MEGF11: variants seen among roughly 807,000 people sequenced by gnomAD.
MEGF11 encodes the protein multiple EGF like domains 11.
MEGF11 carries 126 observed loss-of-function variants against 146.6 expected under a neutral mutation model. The ratio of observed to expected loss-of-function variants is 0.86; its 90% CI spans 0.74 to 1.00. MEGF11 has a LOEUF of 1.00. Among genes scored for constraint, MEGF11 ranks in the 50% least tolerant of loss-of-function variants. MEGF11 has a pLI of 0.00. For synonymous variants in MEGF11, 532 were observed against 583.4 expected, an observed-to-expected ratio of 0.91 and a Z score of 1.27; for missense variants, 1,509 against 1,521.2, an observed-to-expected ratio of 0.99 and a Z score of 0.13.
At chr15:66,059,732 C>T (rs565078126) in intron 5 of MEGF11, among the ~76,000 whole-genome samples, 2 of 152,240 alleles carry the variant, frequency 1.3e-5, no homozygotes, top group South Asian at 2.1e-4. Flanking sequence ...AGAAGAGGAC[C>T]AGAACGTCCC....
At chr15:66,122,948 T>C (rs1597105319) in intron 3 of MEGF11, among the ~76,000 whole-genome samples, 1 of 152,012 alleles carries the variant, frequency 6.6e-6, no homozygotes, top group East Asian at 1.9e-4. Context: ...CACGCCCGGC[T>C]AATTTTTTGT....
intron 12 of MEGF11, among the ~76,000 whole-genome samples, chr15:65,929,254 G>C (rs1261114749): frequency 6.6e-6 from 1 of 152,196 alleles, no homozygotes; most frequent in Non-Finnish European, 1.5e-5. Flanking sequence ...AAGTGATTAA[G>C]TCTGGGTGGT....
chr15:66,009,884 G>A lies in MEGF11; in HGVS notation c.395-27396C>T, dbSNP rs1029874379. Among the ~76,000 whole-genome samples, 11 of 152,060 alleles carry A rather than the reference G, an allele frequency of 7.2e-5. 1 individual carries two copies. Among genetic ancestry groups the A allele is most frequent in the East Asian group, 1.9e-4 (1 of 5,180 alleles). ...GCTGGGATTACAGGCGTGAGCCACC[G>A]TGCCCGGCCCACATATGGTTTCTAA... On this transcript the variant is annotated intron_variant, in intron 5 of 25. Transcript: ENST00000395614.
intron 5 of MEGF11, among the ~76,000 whole-genome samples, chr15:66,012,734 G>T (rs1279737902): frequency 6.6e-6 from 1 of 152,148 alleles, no homozygotes; most frequent in Non-Finnish European, 1.5e-5. Context: ...CCTAAACTGG[G>T]CCCTGAAGCA....
chr15:66,217,778 C>A (rs943777223), intron 1 of MEGF11, among the ~76,000 whole-genome samples: 1 of 152,236 alleles, frequency 6.6e-6, no homozygotes, highest in East Asian at 1.9e-4. Context: ...CAGTCCCTGG[C>A]AGAGCTGCTT....
chr15:66,138,927 G>A (rs1311234162), intron 1 of MEGF11, among the ~76,000 whole-genome samples: 1 of 152,196 alleles, frequency 6.6e-6, no homozygotes. Flanking sequence ...GGGGGAATGA[G>A]TATATTAGGG....
At chr15:66,128,553 T>C (rs188984067) in intron 1 of MEGF11, 142 bp from the exon 2 acceptor site, 212 of 449,580 alleles carry the variant, frequency 4.7e-4, no homozygotes, top group African/African-American at 3.7e-3. Flanking sequence ...TCACTGGTTC[T>C]GAGTAACAGG....
rs189131656 is a variant in MEGF11, at chr15:65,906,933, G to A, written c.2999-792C>T. On this transcript the variant is annotated intron_variant, in intron 23 of 25. Transcript: ENST00000395614. ...ATGATGGCCCTGAGCCTCAGCCAGA[G>A]GCTTCAGGGACTAAGCTTGGGTTCT... Among the ~76,000 whole-genome samples, 328 of 152,280 alleles carry A rather than the reference G, an allele frequency of 2.2e-3. 1 individual carries two copies. Among genetic ancestry groups the A allele is most frequent in the Middle Eastern group, 3.4e-3 (1 of 294 alleles).
intron 10 of MEGF11, among the ~76,000 whole-genome samples, chr15:65,952,507 C>T (rs1218301812): frequency 6.6e-6 from 1 of 152,194 alleles, no homozygotes. Context: ...CTCTGCTGGC[C>T]TGACCACTGT....
At chr15:66,056,577 TGAG>T (rs1368251086) in intron 5 of MEGF11, among the ~76,000 whole-genome samples, 1 of 152,070 alleles carries the variant, frequency 6.6e-6, no homozygotes, top group African/African-American at 2.4e-5. Context: ...CTTCGTCTTT[TGAG>T]AAGAAAGGAA....
chr15:66,191,157 C>G (rs777273674), intron 1 of MEGF11, among the ~76,000 whole-genome samples: 3 of 152,160 alleles, frequency 2.0e-5, no homozygotes, highest in Non-Finnish European at 4.4e-5. Context: ...TTAACTATAT[C>G]CCTCCCCCCG....
chr15:66,209,722 A>G lies in MEGF11; in HGVS notation c.-9+43883T>C, dbSNP rs193269206. On this transcript the variant is annotated intron_variant, in intron 1 of 25. Transcript: ENST00000395614. ...TCTTGAAATGAGAATATAATAGAAA[A>G]GGAAATAAGATTAGTGGTTGCCTGG... Among the ~76,000 whole-genome samples the G allele has an allele frequency of 3.7e-3, 568 of 151,932 alleles. 1 individual carries two copies. The highest frequency in any genetic ancestry group is 7.1e-3 in the Non-Finnish European group (485 of 67,896).
At chr15:66,227,394 T>A (rs2091876572) in intron 1 of MEGF11, among the ~76,000 whole-genome samples, 1 of 152,154 alleles carries the variant, frequency 6.6e-6, no homozygotes, top group Non-Finnish European at 1.5e-5. Flanking sequence ...TATTGGATAT[T>A]AATAGTAATA....
intron 5 of MEGF11, among the ~76,000 whole-genome samples, chr15:66,076,762 T>C (rs2140505367): frequency 6.6e-6 from 1 of 152,328 alleles, no homozygotes; most frequent in Admixed American, 6.5e-5. Flanking sequence ...GGTCATCTTC[T>C]GCCCAGATCC....
At chr15:66,247,551 C>A (rs149926463) in intron 1 of MEGF11, among the ~76,000 whole-genome samples, 10 of 152,136 alleles carry the variant, frequency 6.6e-5, no homozygotes, top group Non-Finnish European at 4.4e-5. Flanking sequence ...TAATTTTGAT[C>A]CTCTCTGAGG....
chr15:66,175,965 A>G (rs1211853266), intron 1 of MEGF11, among the ~76,000 whole-genome samples: 3 of 152,178 alleles, frequency 2.0e-5, no homozygotes, highest in Non-Finnish European at 4.4e-5. Flanking sequence ...CAACAACAAC[A>G]ACAACAAAAA....
At chr15:65,911,898 C>T (rs1445982891) in intron 21 of MEGF11, among the ~76,000 whole-genome samples, 184 bp downstream of exon 21, 1 of 152,234 alleles carries the variant, frequency 6.6e-6, no homozygotes, top group Non-Finnish European at 1.5e-5. Flanking sequence ...AACATGCTGG[C>T]TCCATTACAT....
intron 5 of MEGF11, among the ~76,000 whole-genome samples, chr15:66,051,662 G>A (rs56246018): frequency 2.0e-4 from 31 of 152,290 alleles, no homozygotes; most frequent in African/African-American, 7.5e-4. Flanking sequence ...CATCTGCAGG[G>A]GCTGGAGCCT....
At chr15:66,148,254 A>G (rs1270627184) in intron 1 of MEGF11, among the ~76,000 whole-genome samples, 4 of 151,226 alleles carry the variant, frequency 2.6e-5, no homozygotes, top group African/African-American at 4.9e-5. Context: ...GCAAACTAGG[A>G]AAAAAAAACA....
Sources: gnomAD v4.1 joint callset for allele counts (sites outside exome capture counted in the v4.1 genomes callset) on GRCh38, gnomAD v4.1.1 for gene constraint, MANE v1.5 for transcripts, NCBI Gene and HGNC (gene_info 2026-07-23, HGNC 2026-07-21) for gene names.